Variants in NSMCE2 observed in about 807,000 individuals in gnomAD.
The protein encoded by NSMCE2 is E3 SUMO-protein ligase NSE2.
In NSMCE2, 24 loss-of-function variants were observed where a neutral mutation model predicts 23.8. The observed-to-expected ratio is 1.01, with a 90% CI of 0.73 to 1.42. NSMCE2 has a LOEUF of 1.42. Ranked by LOEUF, NSMCE2 falls within the 40% of genes most tolerant of loss-of-function variation. The pLI, the probability that NSMCE2 is intolerant of heterozygous loss-of-function variation, is 0.00. For missense variants in NSMCE2, 284 were observed against 296.5 expected, an observed-to-expected ratio of 0.96 and a Z score of 0.31; for synonymous variants, 92 against 94.1, an observed-to-expected ratio of 0.98 and a Z score of 0.13.
intron 1 of NSMCE2, among the ~76,000 whole-genome samples, chr8:125,099,495 T>C (rs1011094222): frequency 6.6e-6 from 1 of 151,922 alleles, no homozygotes; most frequent in African/African-American, 2.4e-5. Context: ...CCTGGGACCC[T>C]ACAACATATG....
At chr8:125,361,523 A>C (rs116943625) in intron 7 of NSMCE2, among the ~76,000 whole-genome samples, 4,802 of 152,294 alleles carry the variant, frequency 0.032, 157 homozygotes, top group South Asian at 0.17. Context: ...AACACTTACC[A>C]ACAAGCCATT....
At chr8:125,213,756 CAG>C (rs1824460818) in intron 5 of NSMCE2, among the ~76,000 whole-genome samples, 1 of 150,858 alleles carries the variant, frequency 6.6e-6, no homozygotes, top group African/African-American at 2.4e-5. Flanking sequence ...TTCAACTGTA[CAG>C]AGACCTGGAG....
chr8:125,236,523 A>G (rs1191930976), intron 5 of NSMCE2, among the ~76,000 whole-genome samples: 1 of 152,046 alleles, frequency 6.6e-6, no homozygotes, highest in Non-Finnish European at 1.5e-5. Context: ...GGGAATGGAA[A>G]TGTTTGCATA....
intron 5 of NSMCE2, among the ~76,000 whole-genome samples, chr8:125,251,645 C>T (rs1357871369): frequency 6.6e-6 from 1 of 152,166 alleles, no homozygotes; most frequent in Non-Finnish European, 1.5e-5. Context: ...GCAAAAATAG[C>T]AACCACTTAT....
intron 1 of NSMCE2, among the ~76,000 whole-genome samples, chr8:125,097,963 T>A (rs1818013288): frequency 6.6e-6 from 1 of 152,172 alleles, no homozygotes; most frequent in South Asian, 2.1e-4. Flanking sequence ...TCTTTATTAC[T>A]GGCATCTCTG....
chr8:125,170,341 A>ATAT (rs1158646445), intron 4 of NSMCE2, among the ~76,000 whole-genome samples: 1 of 126,268 alleles, frequency 7.9e-6, no homozygotes, highest in Non-Finnish European at 1.6e-5. Context: ...TTCACAGCCC[A>ATAT]TATCCAGTCC....
intron 5 of NSMCE2, among the ~76,000 whole-genome samples, chr8:125,203,288 C>T (rs748181949): frequency 7.3e-5 from 11 of 151,708 alleles, no homozygotes; most frequent in Non-Finnish European, 1.3e-4. Flanking sequence ...CCCTCATCTC[C>T]TGTCAACCTG....
At chr8:125,238,898 A>G (rs1436321398) in intron 5 of NSMCE2, among the ~76,000 whole-genome samples, 1 of 152,232 alleles carries the variant, frequency 6.6e-6, no homozygotes, top group African/African-American at 2.4e-5. Flanking sequence ...TATCAAATTC[A>G]TGAGGCTCCT....
chr8:125,189,541 G>T (rs1823252851), intron 5 of NSMCE2, among the ~76,000 whole-genome samples: 1 of 152,172 alleles, frequency 6.6e-6, no homozygotes, highest in African/African-American at 2.4e-5. Flanking sequence ...TTAGAGTAAG[G>T]AACTGTTATT....
intron 3 of NSMCE2, among the ~76,000 whole-genome samples, chr8:125,105,595 C>G (rs891874919): frequency 2.0e-5 from 3 of 152,048 alleles, no homozygotes; most frequent in African/African-American, 7.3e-5. Flanking sequence ...CCAAAGTTGG[C>G]AAAGTTTTTC....
intron 4 of NSMCE2, among the ~76,000 whole-genome samples, chr8:125,177,468 C>G (rs933606621): frequency 1.3e-5 from 2 of 152,172 alleles, no homozygotes; most frequent in Non-Finnish European, 2.9e-5. Context: ...TTCATTGGTT[C>G]ACACAGAACT....
chr8:125,357,322 A>G lies in NSMCE2; in HGVS notation c.519+3A>G. 6.4e-7 allele frequency: 1 copy of G among 1,568,196 alleles called. No homozygotes were observed. The highest frequency in any genetic ancestry group is 2.2e-5 in the East Asian group (1 of 44,650). On this transcript the variant is annotated splice_donor_region_variant and intron_variant, in intron 6 of 7. Coordinates refer to ENST00000287437, the MANE Select transcript of NSMCE2 (RefSeq NM_173685.4). ...ACTTCACCTGCCCCATTACAAAGGTACCGCTTCCTCCTACTTCCCCTGAAA... is the reference window on the plus strand; with the variant it reads ...ACTTCACCTGCCCCATTACAAAGGTGCCGCTTCCTCCTACTTCCCCTGAAA...
chr8:125,226,950 A>G (rs1418054304), intron 5 of NSMCE2, among the ~76,000 whole-genome samples: 8 of 151,412 alleles, frequency 5.3e-5, no homozygotes, highest in Non-Finnish European at 8.8e-5. Context: ...CCCAACCCCT[A>G]TCTCCACCCA....
chr8:125,232,802 T>A (rs959240696), intron 5 of NSMCE2, among the ~76,000 whole-genome samples: 1 of 152,208 alleles, frequency 6.6e-6, no homozygotes, highest in African/African-American at 2.4e-5. Context: ...GTAGAAATAC[T>A]TTTAATATTC....
At chr8:125,092,648 G>A (rs546659474) in intron 1 of NSMCE2, among the ~76,000 whole-genome samples, 10 of 152,290 alleles carry the variant, frequency 6.6e-5, no homozygotes, top group African/African-American at 1.9e-4. Context: ...AAAAGGAGAG[G>A]CAGCTCTGGC....
At chr8:125,223,806 C>CT (rs777644019) in intron 5 of NSMCE2, among the ~76,000 whole-genome samples, 9,191 of 107,664 alleles carry the variant, frequency 0.085, 470 homozygotes, top group African/African-American at 0.13. Context: ...GGTCCTTTGC[C>CT]TTTTTTTTTT....
At chr8:125,135,936 A>G (rs187300057) in intron 3 of NSMCE2, among the ~76,000 whole-genome samples, 776 of 152,296 alleles carry the variant, frequency 5.1e-3, no homozygotes, top group Non-Finnish European at 7.8e-3. Flanking sequence ...CAATTTCTAC[A>G]GAGAAGTCGG....
At chr8:125,135,978 A>G (rs1820048213) in intron 3 of NSMCE2, among the ~76,000 whole-genome samples, 2 of 152,230 alleles carry the variant, frequency 1.3e-5, no homozygotes, top group African/African-American at 4.8e-5. Context: ...CATGCCTTGC[A>G]GCCTGGAGGC....
intron 5 of NSMCE2, among the ~76,000 whole-genome samples, chr8:125,212,487 C>T (rs776106198): frequency 6.6e-6 from 1 of 152,082 alleles, no homozygotes; most frequent in Non-Finnish European, 1.5e-5. Context: ...GCCTCTTGAA[C>T]AACAAGGTGA....
Sources: allele counts gnomAD v4.1 joint callset (sites outside exome capture counted in the v4.1 genomes callset), GRCh38; gene constraint gnomAD v4.1.1; transcripts MANE v1.5; gene names NCBI Gene and HGNC (gene_info 2026-07-23, HGNC 2026-07-21).